The following NUP35 variants were observed in gnomAD, a reference collection of about 807,000 sequenced individuals.
NUP35 encodes the protein nucleoporin 35.
NUP35 carries 25 observed loss-of-function variants against 41.5 expected under a neutral mutation model. That is an observed-to-expected ratio of 0.60 (90% CI 0.44 to 0.84). The LOEUF (loss-of-function observed/expected upper bound fraction) is 0.84. Among genes scored for constraint, NUP35 ranks in the 40% least tolerant of loss-of-function variants. The probability of loss-of-function intolerance (pLI) is 0.00; values close to 1 mark genes in which losing one functional copy is unlikely to be tolerated. For missense variants in NUP35, 396 were observed against 396.6 expected (o/e 1.00, Z 0.01); for synonymous variants, 149 against 130.7 (o/e 1.14, Z -0.96).
chr2:183,151,519 T>C lies in NUP35; in HGVS notation c.409T>C (p.Phe137Leu). ...TSTPGTGQSM[F>L]SPASIGQPRK... Reference sequence around the variant, plus strand: ...ATATACTAATATAGGGCAAAGTATGTTTAGTCCAGCAAGTATCGGTCAGCC... The same window carrying C: ...ATATACTAATATAGGGCAAAGTATGCTTAGTCCAGCAAGTATCGGTCAGCC... The change falls in exon 5 of 9, where the codon TTT (phenylalanine) becomes CTT (leucine). Residue 137 changes from phenylalanine to leucine, a missense_variant. Phe to Leu is a conservative substitution (Grantham distance 22). Transcript: ENST00000295119. 6.2e-7 allele frequency: 1 copy of C among 1,613,944 alleles called. No individual in the cohort carries two copies. Among genetic ancestry groups the C allele is most frequent in the Non-Finnish European group, 8.5e-7 (1 of 1,179,896 alleles).
At chr2:183,138,850 T>A (rs770891969) in intron 4 of NUP35, among the ~76,000 whole-genome samples, 2 of 152,222 alleles carry the variant, frequency 1.3e-5, no homozygotes, top group Non-Finnish European at 2.9e-5. Context: ...TAGCACTTTA[T>A]GGCTGCTTTT....
chr2:183,146,822 C>G (rs772064479), intron 4 of NUP35, among the ~76,000 whole-genome samples: 15 of 152,218 alleles, frequency 9.9e-5, no homozygotes, highest in Middle Eastern at 3.4e-3. Context: ...GTCTCGAACT[C>G]GTGACCTCAG....
At chr2:183,133,462 C>A in intron 3 of NUP35, 104 bp from the exon 4 acceptor site, 2 of 881,822 alleles carry the variant, frequency 2.3e-6, no homozygotes, top group Non-Finnish European at 3.5e-6. Context: ...AGAGGCATCT[C>A]TAGCACATGA....
At position 183,159,638 on chromosome 2, in the gene NUP35, A is replaced by G. The variant is rs1685797012; in HGVS notation, c.889A>G (p.Thr297Ala). Residue 297 changes from threonine to alanine, a missense_variant, in exon 8 of 9, where the codon ACT becomes GCT. Thr to Ala is a moderately conservative substitution (Grantham distance 58). Coordinates refer to ENST00000295119, the MANE Select transcript of NUP35 (RefSeq NM_138285.5). Reference sequence around the variant, plus strand: ...TCTTGCTACAGCATACAAAGCCTCTACTAGTGATTATCAGGTATTTTAAGG... The same window carrying G: ...TCTTGCTACAGCATACAAAGCCTCTGCTAGTGATTATCAGGTATTTTAAGG... Reference protein sequence around the residue: ...RPLATAYKASTSDYQVISDRQ... With the variant: ...RPLATAYKASASDYQVISDRQ... 1.2e-6 allele frequency: 2 copies of G among 1,612,032 alleles called. No individual in the cohort carries two copies. Among genetic ancestry groups the G allele is most frequent in the African/African-American group, 1.3e-5 (1 of 74,998 alleles).
upstream of NUP35, chr2:183,119,914 T>C (rs955499055): frequency 4.6e-5 from 7 of 152,202 alleles, 1 homozygote; most frequent in Admixed American, 2.0e-4. Context: ...CAATGTGTAT[T>C]GCCTTTAGGG....
At chr2:183,124,422 G>A, upstream of NUP35, 4 of 1,613,968 alleles carry the variant, frequency 2.5e-6, no homozygotes, top group Middle Eastern at 1.6e-4. Context: ...AAAATTAATT[G>A]GGAAGGTACT....
At chr2:183,152,110 AACACACACACACACACACACAC>A (rs67798004) in intron 5 of NUP35, among the ~76,000 whole-genome samples, 125 of 113,444 alleles carry the variant, frequency 1.1e-3, no homozygotes, top group African/African-American at 3.0e-3. Context: ...AACATTTACA[AACACACACACACACACACACAC>A]ACACACACAC....
In NUP35 at chr2:183,159,780, C is replaced by T. The variant is rs543971054; in HGVS notation, c.903+128C>T. ...GTGGAGGCTATTACCTTGATGAAACCTTTACGCTTTAAAAGTTTTCTGCTT... is the reference window on the plus strand; with the variant it reads ...GTGGAGGCTATTACCTTGATGAAACTTTTACGCTTTAAAAGTTTTCTGCTT... On this transcript the variant is annotated intron_variant, in intron 8 of 8. Coordinates refer to ENST00000295119, the MANE Select transcript of NUP35 (RefSeq NM_138285.5). 4.6e-6 allele frequency: 3 copies of T among 653,442 alleles called. No individual in the cohort carries two copies. In the East Asian group the frequency reaches 9.6e-5, roughly 21 times the overall value. 40.5% of individuals were successfully genotyped at this position (653,442 alleles called of 1,614,324 possible). A position where few individuals can be genotyped will look rare whatever the true frequency, so the allele number is the denominator to read the frequency against.
At chr2:183,120,929 A>C (rs907903450), upstream of NUP35, among the ~76,000 whole-genome samples, 1 of 152,222 alleles carries the variant, frequency 6.6e-6, no homozygotes, top group Admixed American at 6.5e-5. Context: ...TAGATTATTA[A>C]AAATTATTTG....
chr2:183,135,510 A>T (rs1269108359), intron 4 of NUP35, among the ~76,000 whole-genome samples: 1 of 152,214 alleles, frequency 6.6e-6, no homozygotes, highest in Non-Finnish European at 1.5e-5. Context: ...GAAAAGGTGG[A>T]AGACAATAAG....
At chr2:183,130,933 A>T in intron 3 of NUP35, 2 of 1,147,324 alleles carry the variant, frequency 1.7e-6, no homozygotes, top group Non-Finnish European at 2.2e-6. Context: ...TTTCATCTAG[A>T]TCTAGGGCAC....
At chr2:183,118,355 G>A (rs1700017526) in intron 1 of NUP35, 1 of 152,088 alleles carries the variant, frequency 6.6e-6, no homozygotes, top group African/African-American at 2.4e-5. Flanking sequence ...AAGTACAAAT[G>A]TTTCTCATTC....
upstream of NUP35, among the ~76,000 whole-genome samples, chr2:183,122,866 T>TA (rs1700089433): frequency 6.8e-6 from 1 of 146,280 alleles, no homozygotes; most frequent in South Asian, 2.4e-4. Flanking sequence ...ATCCATACAC[T>TA]AAGCTTTAGA....
chr2:183,141,622 A>AT (rs1301645674), intron 4 of NUP35, among the ~76,000 whole-genome samples: 5 of 152,114 alleles, frequency 3.3e-5, no homozygotes, highest in African/African-American at 1.2e-4. Flanking sequence ...AAAACTCTTG[A>AT]TTCTCCAATA....
chr2:183,139,482 A>G (rs973052384), intron 4 of NUP35, among the ~76,000 whole-genome samples: 2 of 152,110 alleles, frequency 1.3e-5, no homozygotes, highest in Non-Finnish European at 2.9e-5. Flanking sequence ...GGAACCTGTG[A>G]CTGTTAACTT....
At chr2:183,151,787 G>A (rs1559154043) in intron 5 of NUP35, 138 bp downstream of exon 5, 1 of 694,710 alleles carries the variant, frequency 1.4e-6, no homozygotes, top group African/African-American at 1.8e-5. Flanking sequence ...ATGGTTAACA[G>A]TTTGCTACAT....
intron 1 of NUP35, among the ~76,000 whole-genome samples, chr2:183,127,908 G>A (rs116105134): frequency 0.079 from 11,956 of 151,902 alleles, 552 homozygotes; most frequent in South Asian, 0.17. Flanking sequence ...CCCCATTTCT[G>A]CAAAAAAATA....
At chr2:183,149,274 G>A (rs1318024949) in intron 4 of NUP35, among the ~76,000 whole-genome samples, 1 of 152,054 alleles carries the variant, frequency 6.6e-6, no homozygotes, top group Admixed American at 6.5e-5. Context: ...ATAGATTATA[G>A]CTATCAATAT....
chr2:183,134,322 T>G (rs1684804381), intron 4 of NUP35, among the ~76,000 whole-genome samples: 3 of 152,192 alleles, frequency 2.0e-5, no homozygotes. Flanking sequence ...GAATTTACAT[T>G]TATAAACAAA....
Sources: allele counts gnomAD v4.1 joint callset (sites outside exome capture counted in the v4.1 genomes callset), GRCh38; gene constraint gnomAD v4.1.1; transcripts MANE v1.5; gene names NCBI Gene and HGNC (gene_info 2026-07-23, HGNC 2026-07-21).